Variants in RAB35 observed in about 807,000 individuals in gnomAD.
RAB35 encodes RAB35, member RAS oncogene family, also known as ras-related protein Rab-35.
Under a neutral mutation model 28.9 loss-of-function variants are expected in RAB35, and 4 were observed. The observed-to-expected ratio is 0.14, with a 90% CI of 0.07 to 0.32. The LOEUF is 0.32. Among genes scored for constraint, RAB35 ranks in the 10% least tolerant of loss-of-function variants. RAB35 has a pLI of 1.00. For synonymous variants in RAB35, 99 were observed against 105.1 expected (o/e 0.94, Z 0.35); for missense variants, 128 against 274.0 (o/e 0.47, Z 3.76).
chr12:120,103,794 C>CA lies in RAB35; in HGVS notation c.227+31_227+32insT. On this transcript the variant is annotated intron_variant, in intron 3 of 5. Transcript: ENST00000229340. The surrounding 1 kb of genome is among the most constrained non-coding windows in gnomAD (Gnocchi z 6.1). ...CAACTGTGTCCACAGGTCAGTGGCG[C>CA]GGGTTGGGTGGGAGTGGGCGTGTGG... The CA allele has an allele frequency of 6.2e-7, 1 of 1,611,446 alleles. No individual in the cohort carries two copies. Among genetic ancestry groups the CA allele is most frequent in the Non-Finnish European group, 8.5e-7 (1 of 1,178,736 alleles).
At chr12:120,105,637 G>A (rs754015409) in intron 2 of RAB35, among the ~76,000 whole-genome samples, 1 of 152,034 alleles carries the variant, frequency 6.6e-6, no homozygotes, top group Non-Finnish European at 1.5e-5. Flanking sequence ...AAATCACAGG[G>A]CCCAGACCCG....
At chr12:120,114,897 C>G (rs1410748627) in intron 1 of RAB35, among the ~76,000 whole-genome samples, 2 of 152,302 alleles carry the variant, frequency 1.3e-5, no homozygotes, top group Non-Finnish European at 2.9e-5. Context: ...GGCTCCTGAC[C>G]ACGGCGGGCT....
intron 2 of RAB35, among the ~76,000 whole-genome samples, chr12:120,107,683 A>C (rs978863752): frequency 1.3e-5 from 2 of 151,990 alleles, no homozygotes; most frequent in African/African-American, 4.8e-5. Flanking sequence ...CCTGACCAAC[A>C]TGGTGAAACC....
In RAB35 at chr12:120,096,950, T is replaced by C. The variant is rs1394688479; in HGVS notation, c.*295A>G. ...TGGTGTGCGGCCGGGTAGAGCAATA[T>C]ACACTATGTACAGACTCTGCGAATC... On this transcript the variant is annotated 3_prime_UTR_variant, in exon 6 of 6. Coordinates refer to ENST00000229340, the MANE Select transcript of RAB35 (RefSeq NM_006861.7). 1 of 1,405,558 alleles carries C rather than the reference T, an allele frequency of 7.1e-7. No homozygotes were observed. Among genetic ancestry groups the C allele is most frequent in the Non-Finnish European group, 9.4e-7 (1 of 1,064,370 alleles). The allele number at this position is 1,405,558 out of a possible 1,614,324, so 87.1% of individuals were successfully genotyped here. A position where few individuals can be genotyped will look rare whatever the true frequency, so the allele number is the denominator to read the frequency against.
rs1473502923 is a variant in RAB35, at chr12:120,096,296, A to G, written c.*949T>C. ...CAGGAAGCCATTCATTTTTTTCTAA[A>G]AACAGTGGACACAAGTGGGGTGGCC... On this transcript the variant is annotated 3_prime_UTR_variant, in exon 6 of 6. Coordinates refer to ENST00000229340, the MANE Select transcript of RAB35 (RefSeq NM_006861.7). 7.5e-6 allele frequency: 5 copies of G among 663,970 alleles called. No homozygotes were observed. The highest frequency in any genetic ancestry group is 7.4e-5 in the Admixed American group (2 of 27,184). The allele number at this position is 663,970 out of a possible 1,614,324, so 41.1% of individuals were successfully genotyped here. A position where few individuals can be genotyped will look rare whatever the true frequency, so the allele number is the denominator to read the frequency against.
chr12:120,104,213 A>G (rs1406194984), intron 2 of RAB35, among the ~76,000 whole-genome samples: 1 of 152,132 alleles, frequency 6.6e-6, no homozygotes, highest in Non-Finnish European at 1.5e-5. Flanking sequence ...AGGAAATAAC[A>G]CGGGATGGGA....
In RAB35 at chr12:120,105,900, G is replaced by C. The variant is rs566846880; in HGVS notation, c.104-1951C>G. On this transcript the variant is annotated intron_variant, in intron 2 of 5. Coordinates refer to ENST00000229340, the MANE Select transcript of RAB35 (RefSeq NM_006861.7). ...CCACCGCACTCCAGCCTGGGCGACAGAGCGAGACTCCGTCTCAAAAAAAAA... is the reference window on the plus strand; with the variant it reads ...CCACCGCACTCCAGCCTGGGCGACACAGCGAGACTCCGTCTCAAAAAAAAA... 1.6e-3 allele frequency among the ~76,000 whole-genome samples: 214 copies of C among 133,194 alleles called. 1 individual carries two copies. Among genetic ancestry groups the C allele is most frequent in the Admixed American group, 0.015 (188 of 12,162 alleles). 87.4% of individuals were successfully genotyped at this position (133,194 alleles called of 152,430 possible).
chr12:120,106,502 T>C (rs1302767884), intron 2 of RAB35, among the ~76,000 whole-genome samples: 1 of 151,724 alleles, frequency 6.6e-6, no homozygotes, highest in Non-Finnish European at 1.5e-5. Context: ...ACACCACTAG[T>C]GAGATTGCAG....
At chr12:120,116,526 G>C in intron 1 of RAB35, 73 bp downstream of exon 1, 1 of 795,894 alleles carries the variant, frequency 1.3e-6, no homozygotes, top group Non-Finnish European at 1.5e-6. Context: ...CTCCCCGCCC[G>C]CCTGCCGCCC....
chr12:120,110,138 T>C lies in RAB35; in HGVS notation c.53-1671A>G, dbSNP rs375054486. Among the ~76,000 whole-genome samples, 7 of 152,152 alleles carry C rather than the reference T, an allele frequency of 4.6e-5. No homozygotes were observed. In the East Asian group the frequency reaches 1.4e-3, roughly 29 times the overall value. ...TACACATTGCTGGGAGTCTTGCGTC[T>C]GGTTCAGGAAGTTTGGAAAAAATGA... On this transcript the variant is annotated intron_variant, in intron 1 of 5. Coordinates refer to ENST00000229340, the MANE Select transcript of RAB35 (RefSeq NM_006861.7).
rs1278649723 is a variant in RAB35 at position 120,096,920 on chromosome 12, G to GGAC, written c.*322_*324dup. ...CATCAAGAAGGCAAAAGCCAGAGCA[G>GGAC]GACGTGGTGTGCGGCCGGGTAGAGC... On this transcript the variant is annotated 3_prime_UTR_variant, in exon 6 of 6. Coordinates refer to ENST00000229340, the MANE Select transcript of RAB35 (RefSeq NM_006861.7). 7.5e-7 allele frequency: 1 copy of GGAC among 1,342,180 alleles called. No individual in the cohort carries two copies. The highest frequency in any genetic ancestry group is 9.8e-7 in the Non-Finnish European group (1 of 1,023,586). The allele number at this position is 1,342,180 out of a possible 1,614,324, so 83.1% of individuals were successfully genotyped here.
chr12:120,099,572 A>G, intron 3 of RAB35: 1 of 202,700 alleles, frequency 4.9e-6, no homozygotes, highest in Non-Finnish European at 1.0e-5. Context: ...CCTGTTTTAG[A>G]GAACCTTTCC....
At chr12:120,104,012 C>T in intron 2 of RAB35, 63 bp from the exon 3 acceptor site, 3 of 1,588,076 alleles carry the variant, frequency 1.9e-6, no homozygotes, top group Non-Finnish European at 8.6e-7. Flanking sequence ...GAGCCCCACG[C>T]TGCACACAAC....
At chr12:120,109,441 G>A (rs1483376180) in intron 1 of RAB35, among the ~76,000 whole-genome samples, 4 of 150,730 alleles carry the variant, frequency 2.7e-5, no homozygotes, top group South Asian at 4.2e-4. Context: ...CAACAAGAGC[G>A]AAACTCTGTC....
chr12:120,098,279 T>C (rs1489515944), intron 5 of RAB35, among the ~76,000 whole-genome samples: 1 of 152,236 alleles, frequency 6.6e-6, no homozygotes, highest in Non-Finnish European at 1.5e-5. Flanking sequence ...CTTCATGGCA[T>C]GTGGGGCCCA....
At chr12:120,115,599 T>C (rs1876296023) in intron 1 of RAB35, among the ~76,000 whole-genome samples, 1 of 152,226 alleles carries the variant, frequency 6.6e-6, no homozygotes, top group East Asian at 1.9e-4. Flanking sequence ...CCTCCACCTT[T>C]TCCCAGAAAC....
rs1442246995 is a variant in RAB35, at chr12:120,096,696, C to A, written c.*549G>T. On this transcript the variant is annotated 3_prime_UTR_variant, in exon 6 of 6. Transcript: ENST00000229340. The stretch of plus-strand genomic sequence containing the variant: ...GGGGAGGGAAGGGAGCTGGCACAGG[C>A]CCCGGAGAAGGGGCAAGACCCTGTG... The A allele has an allele frequency of 7.8e-7, 1 of 1,289,876 alleles. No individual in the cohort carries two copies. The highest frequency in any genetic ancestry group is 5.5e-5 in the East Asian group (1 of 18,022). The allele number at this position is 1,289,876 out of a possible 1,614,324, so 79.9% of individuals were successfully genotyped here.
chr12:120,105,401 A>G (rs902291417), intron 2 of RAB35, among the ~76,000 whole-genome samples: 4 of 152,192 alleles, frequency 2.6e-5, no homozygotes, highest in Non-Finnish European at 5.9e-5. Flanking sequence ...CCAAAGAACA[A>G]AAGAATGACC....
chr12:120,095,285 G>A lies in RAB35; in HGVS notation c.*1960C>T, dbSNP rs1424108648. 2 of 134,504 alleles carry A rather than the reference G, an allele frequency of 1.5e-5. No homozygotes were observed. The highest frequency in any genetic ancestry group is 5.8e-5 in the African/African-American group (2 of 34,502). The allele number at this position is 134,504 out of a possible 1,614,324, so 8.3% of individuals were successfully genotyped here. A position where few individuals can be genotyped will look rare whatever the true frequency, so the allele number is the denominator to read the frequency against. ...CCCACCCCATAACCCCCATTCATGC[G>A]TGTAACAGTGGGACAGGCACACTGT... On this transcript the variant is annotated 3_prime_UTR_variant, in exon 6 of 6. Transcript: ENST00000229340.
Sources: gnomAD v4.1 joint callset for allele counts (sites outside exome capture counted in the v4.1 genomes callset) on GRCh38, gnomAD v4.1.1 for gene constraint, Gnocchi (gnomAD v3.1) non-coding constraint, MANE v1.5 for transcripts, NCBI Gene and HGNC (gene_info 2026-07-23, HGNC 2026-07-21) for gene names.